The following RIN3 variants were observed in gnomAD, a reference collection of about 807,000 sequenced individuals.
RIN3 encodes the protein RAB5 interacting protein 3.
Under a neutral mutation model 76.3 loss-of-function variants are expected in RIN3, and 54 were observed. The ratio of observed to expected loss-of-function variants is 0.71; its 90% confidence interval spans 0.57 to 0.89. The LOEUF (loss-of-function observed/expected upper bound fraction) is 0.89, where lower values mean the gene tolerates loss of function less well. Among genes scored for constraint, RIN3 ranks in the 40% least tolerant of loss-of-function variants. The probability of loss-of-function intolerance (pLI) is 0.00; values close to 1 mark genes in which losing one functional copy is unlikely to be tolerated. For synonymous variants in RIN3, 576 were observed against 564.0 expected (o/e 1.02, Z -0.30); for missense variants, 1,256 against 1,322.1 (o/e 0.95, Z 0.78).
chr14:92,684,589 C>T (rs1888782707), intron 8 of RIN3, among the ~76,000 whole-genome samples: 2 of 152,072 alleles, frequency 1.3e-5, no homozygotes, highest in African/African-American at 2.4e-5. Flanking sequence ...ACTCAGAGAC[C>T]GTGTATATGT....
At position 92,568,555 on chromosome 14, in the gene RIN3, T is replaced by C. The variant is rs963293878; in HGVS notation, c.250-8805T>C. 6.6e-6 allele frequency among the ~76,000 whole-genome samples: 1 copy of C among 152,210 alleles called. No homozygotes were observed. The highest frequency in any genetic ancestry group is 1.5e-5 in the Non-Finnish European group (1 of 68,030). On this transcript the variant is annotated intron_variant, in intron 2 of 9. Transcript: ENST00000216487. This position sits in a 1 kb window ranked among gnomAD's most constrained non-coding sequence, Gnocchi z 4.2. Reference sequence around the variant, plus strand: ...CCAGAGAGGAACAGAACAGACCCTCTGATTCCAGTTGGCCAAGGCAGACCA... The same window carrying C: ...CCAGAGAGGAACAGAACAGACCCTCCGATTCCAGTTGGCCAAGGCAGACCA...
chr14:92,645,462 A>G (rs1887162882), intron 5 of RIN3, among the ~76,000 whole-genome samples: 1 of 152,258 alleles, frequency 6.6e-6, no homozygotes, highest in South Asian at 2.1e-4. Flanking sequence ...GTGGTGCAGC[A>G]TGGAATAACC....
chr14:92,592,689 A>C (rs892421684), intron 3 of RIN3, among the ~76,000 whole-genome samples: 6 of 124,978 alleles, frequency 4.8e-5, no homozygotes, highest in African/African-American at 1.6e-4. Context: ...TATTATTATT[A>C]TTGTGAGACA....
chr14:92,634,324 C>T (rs946016984), intron 4 of RIN3, among the ~76,000 whole-genome samples: 11 of 131,778 alleles, frequency 8.3e-5, no homozygotes, highest in Non-Finnish European at 1.3e-4. Flanking sequence ...AGGTGATCCA[C>T]CCACCTCAGC....
chr14:92,544,436 G>GGGGGGC (rs1897205768), intron 1 of RIN3, among the ~76,000 whole-genome samples: 1 of 127,148 alleles, frequency 7.9e-6, no homozygotes, highest in African/African-American at 2.8e-5. Context: ...GGGGGTGGGG[G>GGGGGGC]CGGGGGTCCC....
chr14:92,558,688 G>C (rs918656189), intron 2 of RIN3, among the ~76,000 whole-genome samples: 1 of 152,154 alleles, frequency 6.6e-6, no homozygotes, highest in Admixed American at 6.5e-5. Flanking sequence ...GTTACTCTTG[G>C]GGGCAGCTGG....
At chr14:92,657,408 G>A (rs1035013384) in intron 6 of RIN3, among the ~76,000 whole-genome samples, 1 of 152,056 alleles carries the variant, frequency 6.6e-6, no homozygotes, top group African/African-American at 2.4e-5. Flanking sequence ...CCATGCTTAG[G>A]GTGCTTCTGG....
At chr14:92,559,860 G>A (rs1186978821) in intron 2 of RIN3, among the ~76,000 whole-genome samples, 2 of 152,180 alleles carry the variant, frequency 1.3e-5, no homozygotes, top group African/African-American at 4.8e-5. Context: ...AGAGCCTACC[G>A]GAACCCTGGA....
At chr14:92,549,846 G>A (rs371124761) in intron 1 of RIN3, among the ~76,000 whole-genome samples, 12 of 152,328 alleles carry the variant, frequency 7.9e-5, no homozygotes, top group South Asian at 2.1e-4. Context: ...AGAACAACCC[G>A]TTGTGGAGCA....
At chr14:92,646,142 A>G (rs1378919129) in intron 5 of RIN3, among the ~76,000 whole-genome samples, 1 of 152,170 alleles carries the variant, frequency 6.6e-6, no homozygotes, top group Non-Finnish European at 1.5e-5. Flanking sequence ...GATGTAAACA[A>G]AAGCTGAATT....
At chr14:92,549,987 G>A (rs1222917074) in intron 1 of RIN3, among the ~76,000 whole-genome samples, 6 of 152,224 alleles carry the variant, frequency 3.9e-5, no homozygotes, top group African/African-American at 9.6e-5. Flanking sequence ...GAGGGAGGGC[G>A]TGGGTGTCAG....
chr14:92,537,985 C>T (rs1420870847), intron 1 of RIN3, among the ~76,000 whole-genome samples: 7 of 152,116 alleles, frequency 4.6e-5, no homozygotes, highest in Non-Finnish European at 7.4e-5. Flanking sequence ...TACAGGCGCC[C>T]GCCTGGCTTT....
intron 2 of RIN3, among the ~76,000 whole-genome samples, chr14:92,571,334 G>A (rs75934488): frequency 0.026 from 4,000 of 152,264 alleles, 112 homozygotes; most frequent in East Asian, 0.12. Context: ...AGAAGAAGGG[G>A]AGTGTTCTGA....
At chr14:92,565,045 G>A (rs1897880570) in intron 2 of RIN3, among the ~76,000 whole-genome samples, 1 of 152,188 alleles carries the variant, frequency 6.6e-6, no homozygotes, top group Non-Finnish European at 1.5e-5. Context: ...GTGTCCTGGA[G>A]GTGGACAAAG....
chr14:92,523,317 G>C (rs1413357057), intron 1 of RIN3, among the ~76,000 whole-genome samples: 1 of 152,076 alleles, frequency 6.6e-6, no homozygotes, highest in Non-Finnish European at 1.5e-5. Flanking sequence ...TCACCATGTT[G>C]GCCAGGCTGG....
chr14:92,577,026 G>A (rs1228224419), intron 2 of RIN3, among the ~76,000 whole-genome samples: 1 of 152,108 alleles, frequency 6.6e-6, no homozygotes. Flanking sequence ...CCCACTTACA[G>A]AATCAGTGTC....
In RIN3 at chr14:92,652,301, A is replaced by T; in HGVS notation, c.1252A>T (p.Thr418Ser). ...CCAGCTCAGCCTGCCTCCCCAAGGG[A>T]CCTCAGACGGCCCTGAGGACACGCC... The part of the protein sequence containing the change: ...GDQLSLPPQG[T>S]SDGPEDTPRE... The change falls in exon 6 of 10, where the codon ACC (threonine) becomes TCC (serine). Residue 418 changes from threonine (T) to serine (S), a missense_variant. This residue lies in a region of RIN3 where 610 missense variants were observed against 626.4 expected (regional missense o/e 0.97). Coordinates refer to ENST00000216487, the MANE Select transcript of RIN3 (RefSeq NM_024832.5). The surrounding 1 kb of genome is among the most constrained non-coding windows in gnomAD (Gnocchi z 6.4). The T allele has an allele frequency of 6.2e-7, 1 of 1,608,546 alleles. No homozygotes were observed. Among genetic ancestry groups the T allele is most frequent in the Non-Finnish European group, 8.5e-7 (1 of 1,176,420 alleles).
intron 1 of RIN3, among the ~76,000 whole-genome samples, chr14:92,532,182 G>A (rs1285410151): frequency 6.6e-6 from 1 of 152,098 alleles, no homozygotes; most frequent in African/African-American, 2.4e-5. Context: ...ACCTGCTTTG[G>A]CCTCCCAAAG....
intron 1 of RIN3, among the ~76,000 whole-genome samples, chr14:92,529,228 A>G (rs1022233557): frequency 8.5e-5 from 13 of 152,086 alleles, no homozygotes; most frequent in African/African-American, 2.6e-4. Flanking sequence ...ATGCATTTGT[A>G]AGCCCCAGAT....
Sources: allele counts gnomAD v4.1 joint callset (sites outside exome capture counted in the v4.1 genomes callset), GRCh38; gene constraint gnomAD v4.1.1; regional missense constraint gnomAD v4.1.1; non-coding constraint Gnocchi (gnomAD v3.1); transcripts MANE v1.5; gene names NCBI Gene and HGNC (gene_info 2026-07-23, HGNC 2026-07-21).